Variants in DPYD observed in about 807,000 individuals in gnomAD.
DPYD encodes the protein dihydropyrimidine dehydrogenase [NADP(+)].
Under a neutral mutation model 116.2 loss-of-function variants are expected in DPYD, and 109 were observed. That is an observed-to-expected ratio of 0.94 (90% CI 0.80 to 1.10). DPYD has a LOEUF of 1.10. Among genes scored for constraint, DPYD ranks in the 50% least tolerant of loss-of-function variants. The pLI is 0.00. For synonymous variants in DPYD, 440 were observed against 432.0 expected, an observed-to-expected ratio of 1.02 and a Z score of -0.23; for missense variants, 1,302 against 1,254.5, an observed-to-expected ratio of 1.04 and a Z score of -0.57.
At chr1:97,661,862 A>G (rs1659276186) in intron 8 of DPYD, among the ~76,000 whole-genome samples, 1 of 151,970 alleles carries the variant, frequency 6.6e-6, no homozygotes, top group African/African-American at 2.4e-5. Context: ...TCTCCCATTC[A>G]TCTCTTTTTA....
chr1:97,664,216 T>G (rs1208845808), intron 8 of DPYD, among the ~76,000 whole-genome samples: 1 of 152,124 alleles, frequency 6.6e-6, no homozygotes, highest in African/African-American at 2.4e-5. Context: ...ACTGTTGATA[T>G]TTTATCAATG....
chr1:97,528,494 T>A (rs1374415685), intron 12 of DPYD, among the ~76,000 whole-genome samples: 1 of 152,102 alleles, frequency 6.6e-6, no homozygotes, highest in African/African-American at 2.4e-5. Context: ...ATGATATTAA[T>A]TCAAATCCAT....
At chr1:97,210,989 C>T (rs576338785) in intron 19 of DPYD, among the ~76,000 whole-genome samples, 12 of 152,260 alleles carry the variant, frequency 7.9e-5, no homozygotes, top group African/African-American at 2.9e-4. Flanking sequence ...CACTGCAATA[C>T]TTTCTTTATT....
chr1:97,281,943 A>G (rs1341593070), intron 18 of DPYD, among the ~76,000 whole-genome samples: 1 of 152,124 alleles, frequency 6.6e-6, no homozygotes, highest in Non-Finnish European at 1.5e-5. Context: ...TTCACTTTGC[A>G]TGTCTTCGCA....
intron 20 of DPYD, among the ~76,000 whole-genome samples, chr1:97,143,810 T>C (rs746086540): frequency 5.9e-5 from 9 of 152,262 alleles, no homozygotes; most frequent in East Asian, 1.9e-4. Flanking sequence ...CGTAAGGCCA[T>C]TTCTTATATC....
intron 20 of DPYD, among the ~76,000 whole-genome samples, chr1:97,099,095 G>A (rs1286519336): frequency 6.6e-6 from 1 of 151,980 alleles, no homozygotes; most frequent in Non-Finnish European, 1.5e-5. Context: ...AAGGTACTTC[G>A]CCAAAGTTCT....
chr1:97,215,540 G>C (rs1197304349), intron 19 of DPYD, among the ~76,000 whole-genome samples: 1 of 152,050 alleles, frequency 6.6e-6, no homozygotes, highest in East Asian at 1.9e-4. Flanking sequence ...TATTCAAATT[G>C]TATGTTCAAA....
intron 3 of DPYD, among the ~76,000 whole-genome samples, chr1:97,753,954 C>T (rs1212079366): frequency 1.3e-5 from 2 of 152,032 alleles, no homozygotes; most frequent in Non-Finnish European, 2.9e-5. Context: ...ACAAAATTGT[C>T]CCCATTAAAA....
chr1:97,313,815 C>T (rs1040184764), intron 16 of DPYD, among the ~76,000 whole-genome samples: 2 of 151,896 alleles, frequency 1.3e-5, no homozygotes, highest in African/African-American at 4.8e-5. Context: ...GTTTTATAGT[C>T]ATCTTCTCTG....
chr1:97,691,608 GC>G, intron 7 of DPYD, 108 bp downstream of exon 7: 1 of 960,856 alleles, frequency 1.0e-6, no homozygotes, highest in Admixed American at 2.0e-5. Flanking sequence ...GCCTGATGTA[GC>G]TTTTAATTGT....
chr1:97,223,646 C>T (rs1660924346), intron 19 of DPYD, among the ~76,000 whole-genome samples: 1 of 151,880 alleles, frequency 6.6e-6, no homozygotes, highest in African/African-American at 2.4e-5. Flanking sequence ...TATAATGAAA[C>T]CTATCACTGA....
intron 20 of DPYD, among the ~76,000 whole-genome samples, chr1:97,134,054 T>A (rs1264627389): frequency 1.6e-4 from 18 of 109,544 alleles, no homozygotes; most frequent in African/African-American, 2.2e-4. Context: ...TATATATATA[T>A]ATATATATAT....
intron 8 of DPYD, among the ~76,000 whole-genome samples, chr1:97,611,113 T>G (rs888797250): frequency 2.0e-5 from 3 of 152,044 alleles, no homozygotes; most frequent in African/African-American, 7.2e-5. Flanking sequence ...AAGAGACTTA[T>G]TGGACTTATA....
At chr1:97,736,350 TA>T (rs887740738) in intron 4 of DPYD, among the ~76,000 whole-genome samples, 3 of 148,758 alleles carry the variant, frequency 2.0e-5, no homozygotes, top group East Asian at 2.0e-4. Flanking sequence ...TTTTCAAAAG[TA>T]AAAAAAATGG....
At chr1:97,676,419 T>A (rs1284631812) in intron 8 of DPYD, among the ~76,000 whole-genome samples, 1 of 152,174 alleles carries the variant, frequency 6.6e-6, no homozygotes, top group Non-Finnish European at 1.5e-5. Flanking sequence ...TCTATTAGCA[T>A]GAATGTGAAC....
intron 20 of DPYD, among the ~76,000 whole-genome samples, chr1:97,127,584 G>A (rs1026645471): frequency 6.6e-6 from 1 of 152,034 alleles, no homozygotes; most frequent in Non-Finnish European, 1.5e-5. Flanking sequence ...TTGCTAGAAA[G>A]GTATTCATCA....
At chr1:97,081,480 G>A (rs1250669941) in intron 22 of DPYD, among the ~76,000 whole-genome samples, 3 of 151,920 alleles carry the variant, frequency 2.0e-5, no homozygotes, top group African/African-American at 7.2e-5. Flanking sequence ...AGAAACTTAT[G>A]TTTAAAAGTA....
intron 18 of DPYD, among the ~76,000 whole-genome samples, chr1:97,238,748 A>G (rs1662121403): frequency 6.6e-6 from 1 of 152,186 alleles, no homozygotes. Context: ...AAGAATGTGT[A>G]TGCGGGCTCT....
chr1:97,466,246 A>G (rs1412253688), intron 13 of DPYD, among the ~76,000 whole-genome samples: 1 of 152,228 alleles, frequency 6.6e-6, no homozygotes, highest in African/African-American at 2.4e-5. Flanking sequence ...AAATAAATTG[A>G]TTCCTGCAGA....
Sources: allele counts gnomAD v4.1 joint callset (sites outside exome capture counted in the v4.1 genomes callset), GRCh38; gene constraint gnomAD v4.1.1; transcripts MANE v1.5; gene names NCBI Gene and HGNC (gene_info 2026-07-23, HGNC 2026-07-21).